The following NCOR1 variants were observed in gnomAD, a reference collection of about 807,000 sequenced individuals.
The protein encoded by NCOR1 is nuclear receptor corepressor 1.
A neutral mutation model predicts 288.1 loss-of-function variants in NCOR1; 63 were observed. The observed-to-expected ratio is 0.22, with a 90% CI of 0.18 to 0.27. The LOEUF is 0.27. Ranked by LOEUF, NCOR1 falls within the 10% of genes least tolerant of loss-of-function variation. The pLI is 1.00. For synonymous variants in NCOR1, 1,007 were observed against 1,065.9 expected (o/e 0.94, Z 1.08); for missense variants, 2,397 against 3,019.2 (o/e 0.79, Z 4.83).
At chr17:16,124,887 C>T (rs1264419717) in intron 15 of NCOR1, among the ~76,000 whole-genome samples, 1 of 152,036 alleles carries the variant, frequency 6.6e-6, no homozygotes, top group Non-Finnish European at 1.5e-5. Context: ...AGGAATCTTC[C>T]AAATCAAAAA....
intron 11 of NCOR1, among the ~76,000 whole-genome samples, chr17:16,142,181 T>C (rs2077255624): frequency 6.6e-6 from 1 of 152,170 alleles, no homozygotes; most frequent in Admixed American, 6.5e-5. Context: ...GAGGAAGTCA[T>C]AACACTGCTT....
At position 16,029,974 on chromosome 17, in the gene NCOR1, C is replaced by T. The variant is rs1344222825; in HGVS notation, c.*2322G>A. 3 of 163,144 alleles carry T rather than the reference C, an allele frequency of 1.8e-5. No individual in the cohort carries two copies. The highest frequency in any genetic ancestry group is 4.0e-5 in the Non-Finnish European group (3 of 74,370). The allele number at this position is 163,144 out of a possible 1,614,324, so 10.1% of individuals were successfully genotyped here. On this transcript the variant is annotated 3_prime_UTR_variant, in exon 46 of 46. Coordinates refer to ENST00000268712, the MANE Select transcript of NCOR1 (RefSeq NM_006311.4). ...CTATACGGTTGACCTTCAAATAATG[C>T]AGGAGTTAGGGGCATAGACCCCCTA...
intron 44 of NCOR1, among the ~76,000 whole-genome samples, chr17:16,038,920 G>A (rs1179616340): frequency 1.3e-5 from 2 of 152,042 alleles, no homozygotes; most frequent in Non-Finnish European, 2.9e-5. Flanking sequence ...ACAGGCACAC[G>A]CCATCATGCC....
chr17:16,037,541 A>C (rs1223826686), intron 44 of NCOR1, among the ~76,000 whole-genome samples: 1 of 152,204 alleles, frequency 6.6e-6, no homozygotes, highest in East Asian at 1.9e-4. Flanking sequence ...AGGAACTGAA[A>C]TTTCTGGGAC....
At chr17:16,170,964 G>A (rs913537306) in intron 4 of NCOR1, among the ~76,000 whole-genome samples, 37 of 151,778 alleles carry the variant, frequency 2.4e-4, no homozygotes, top group Admixed American at 2.2e-3. Context: ...AATAGAACTC[G>A]CATTGTTTGA....
At chr17:16,083,292 T>C (rs920806979) in intron 23 of NCOR1, among the ~76,000 whole-genome samples, 2 of 151,684 alleles carry the variant, frequency 1.3e-5, no homozygotes, top group African/African-American at 4.8e-5. Flanking sequence ...GGAGGACTGC[T>C]TGAGCCCAGG....
intron 15 of NCOR1, among the ~76,000 whole-genome samples, chr17:16,122,355 C>A (rs1416764049): frequency 6.6e-6 from 1 of 152,108 alleles, no homozygotes; most frequent in Non-Finnish European, 1.5e-5. Flanking sequence ...AATTGAAGTA[C>A]AACATAGTCC....
intron 1 of NCOR1, among the ~76,000 whole-genome samples, chr17:16,197,391 C>T (rs2090044615): frequency 6.6e-6 from 1 of 151,790 alleles, no homozygotes; most frequent in African/African-American, 2.4e-5. Flanking sequence ...ATAAATATAC[C>T]ATCCTCCTCC....
At chr17:16,062,342 T>C (rs2060629524) in intron 35 of NCOR1, 72 bp from the exon 36 acceptor site, 6 of 1,432,074 alleles carry the variant, frequency 4.2e-6, no homozygotes, top group Non-Finnish European at 5.5e-6. Context: ...GCAATGCTTA[T>C]GGATTGTTTA....
chr17:16,179,957 CAAAAA>C (rs34531259), intron 3 of NCOR1, among the ~76,000 whole-genome samples: 1 of 75,616 alleles, frequency 1.3e-5, no homozygotes, highest in Non-Finnish European at 2.4e-5. Context: ...GACTCTGTCT[CAAAAA>C]AAAAAAAAAA....
intron 15 of NCOR1, among the ~76,000 whole-genome samples, chr17:16,122,991 T>G (rs1180137751): frequency 6.6e-6 from 1 of 152,126 alleles, no homozygotes; most frequent in Non-Finnish European, 1.5e-5. Flanking sequence ...TATGTAAGGT[T>G]ACCCATTCTC....
At chr17:16,122,109 C>T (rs1343487950) in intron 15 of NCOR1, among the ~76,000 whole-genome samples, 3 of 152,160 alleles carry the variant, frequency 2.0e-5, no homozygotes, top group Non-Finnish European at 2.9e-5. Context: ...TGCTTACCAT[C>T]GTCTCAGGCA....
intron 5 of NCOR1, among the ~76,000 whole-genome samples, chr17:16,164,505 T>A (rs2081593249): frequency 6.6e-6 from 1 of 152,158 alleles, no homozygotes; most frequent in Admixed American, 6.6e-5. Context: ...GAAGACTATT[T>A]CATATCCAAC....
At position 16,062,343 on chromosome 17, in the gene NCOR1, G is replaced by A. The variant is rs2060629884; in HGVS notation, c.5222-73C>T. On this transcript the variant is annotated intron_variant, in intron 35 of 45. Coordinates refer to ENST00000268712, the MANE Select transcript of NCOR1 (RefSeq NM_006311.4). The stretch of plus-strand genomic sequence containing the variant: ...AGAGACAAAAGGAAGCAATGCTTAT[G>A]GATTGTTTATTTCCTAACATACCTA... 2.8e-6 allele frequency: 4 copies of A among 1,421,928 alleles called. No homozygotes were observed. The South Asian group carries it at 4.5e-5, about 16-fold the overall frequency. The allele number at this position is 1,421,928 out of a possible 1,614,324, so 88.1% of individuals were successfully genotyped here. A position where few individuals can be genotyped will look rare whatever the true frequency, so the allele number is the denominator to read the frequency against.
intron 18 of NCOR1, among the ~76,000 whole-genome samples, chr17:16,114,346 C>T (rs542878266): frequency 6.6e-6 from 1 of 152,194 alleles, no homozygotes; most frequent in South Asian, 2.1e-4. Flanking sequence ...GGTGGGGACA[C>T]AGCCATACCA....
chr17:16,117,800 T>C lies in NCOR1; in HGVS notation c.2055+88A>G, dbSNP rs1035091097. 3 of 1,373,708 alleles carry C rather than the reference T, an allele frequency of 2.2e-6. No homozygotes were observed. The South Asian group carries it at 4.3e-5, about 20-fold the overall frequency. The allele number at this position is 1,373,708 out of a possible 1,614,324, so 85.1% of individuals were successfully genotyped here. ...TTGCACTGCTGCACTCTAGCCTGGG[T>C]GATAGAGTGAGACTCCATCTCAAAC... On this transcript the variant is annotated intron_variant, in intron 18 of 45. Transcript: ENST00000268712.
intron 15 of NCOR1, among the ~76,000 whole-genome samples, chr17:16,124,926 A>C (rs952009750): frequency 6.6e-6 from 1 of 152,242 alleles, no homozygotes; most frequent in Non-Finnish European, 1.5e-5. Flanking sequence ...ATCCTGGAGG[A>C]AAGTATATAT....
chr17:16,048,698 A>C (rs2058959010), intron 41 of NCOR1, 147 bp downstream of exon 41: 4 of 687,976 alleles, frequency 5.8e-6, no homozygotes, highest in Non-Finnish European at 8.4e-6. Context: ...GCATTAGATG[A>C]GTAGGAAAAG....
At chr17:16,089,908 G>A (rs1185756920) in intron 22 of NCOR1, among the ~76,000 whole-genome samples, 1 of 151,940 alleles carries the variant, frequency 6.6e-6, no homozygotes, top group Non-Finnish European at 1.5e-5. Flanking sequence ...AACAACCTTT[G>A]GATAAACTTG....
Sources: gnomAD v4.1 joint callset for allele counts (sites outside exome capture counted in the v4.1 genomes callset) on GRCh38, gnomAD v4.1.1 for gene constraint, MANE v1.5 for transcripts, NCBI Gene and HGNC (gene_info 2026-07-23, HGNC 2026-07-21) for gene names.